The following PXDNL variants were observed in gnomAD, a reference collection of about 807,000 sequenced individuals.
The protein encoded by PXDNL is peroxidasin like, also known as probable oxidoreductase PXDNL.
A neutral mutation model predicts 150.8 loss-of-function variants in PXDNL; 145 were observed. The ratio of observed to expected loss-of-function variants is 0.96; its 90% CI spans 0.84 to 1.10. The LOEUF (loss-of-function observed/expected upper bound fraction) is 1.10, where lower values mean the gene tolerates loss of function less well. PXDNL is among the 50% of genes least tolerant of loss of function. The probability of loss-of-function intolerance (pLI) is 0.00; values close to 1 mark genes in which losing one functional copy is unlikely to be tolerated. For missense variants in PXDNL, 2,087 were observed against 1,873.9 expected (o/e 1.11, Z -2.10); for synonymous variants, 757 against 725.7 (o/e 1.04, Z -0.69).
rs774749299 is a variant in PXDNL at position 51,319,887 on chromosome 8, T to C, written c.*4A>G. 6.6e-7 allele frequency: 1 copy of C among 1,512,256 alleles called. No individual in the cohort carries two copies. The highest frequency in any genetic ancestry group is 8.8e-7 in the Non-Finnish European group (1 of 1,131,192). 93.7% of individuals were successfully genotyped at this position (1,512,256 alleles called of 1,614,324 possible). On this transcript the variant is annotated 3_prime_UTR_variant, in exon 23 of 23. Transcript: ENST00000356297. ...ATTTGGGGCTCAACAGCACAAAACT[T>C]TTATTAGCGCTTCTCTGGGGAATCA...
chr8:51,450,866 ATAG>A lies in PXDNL; in HGVS notation c.1250-1751_1250-1749del, dbSNP rs542782813. On this transcript the variant is annotated intron_variant, in intron 10 of 22. Transcript: ENST00000356297. ...CGGTCAGAACTAATAAGTAGAAAAGATAGTAGAGAATCTGGGCCGCTCAACCCC... is the reference window on the plus strand; with the variant it reads ...CGGTCAGAACTAATAAGTAGAAAAGATAGAGAATCTGGGCCGCTCAACCCC... 4.9e-3 allele frequency among the ~76,000 whole-genome samples: 745 copies of A among 152,288 alleles called. 7 individuals carry two copies. Among genetic ancestry groups the A allele is most frequent in the African/African-American group, 0.017 (709 of 41,556 alleles).
chr8:51,332,602 G>A (rs1375619543), intron 21 of PXDNL, among the ~76,000 whole-genome samples: 2 of 151,526 alleles, frequency 1.3e-5, no homozygotes, highest in Non-Finnish European at 2.9e-5. Context: ...AGAAGTGAAA[G>A]GAGAAATATT....
intron 17 of PXDNL, among the ~76,000 whole-genome samples, chr8:51,401,590 T>C (rs1402432919): frequency 6.6e-6 from 1 of 152,128 alleles, no homozygotes; most frequent in Non-Finnish European, 1.5e-5. Context: ...GGGGCTGCTT[T>C]TTGGCCAAGA....
rs569302186 is a variant in PXDNL at position 51,385,194 on chromosome 8, C to A, written c.3558-10463G>T. Reference sequence around the variant, plus strand: ...TTCTCCACTGGTTACATACAGTAACCCTTTGAAATCCTGGGCCTGAGACAT... The same window carrying A: ...TTCTCCACTGGTTACATACAGTAACACTTTGAAATCCTGGGCCTGAGACAT... On this transcript the variant is annotated intron_variant, in intron 17 of 22. Transcript: ENST00000356297. Among the ~76,000 whole-genome samples, 5 of 152,080 alleles carry A rather than the reference C, an allele frequency of 3.3e-5. No homozygotes were observed. The East Asian group carries it at 9.6e-4, about 29-fold the overall frequency.
chr8:51,499,323 G>A (rs1480839159), intron 5 of PXDNL, among the ~76,000 whole-genome samples: 2 of 152,082 alleles, frequency 1.3e-5, no homozygotes, highest in Non-Finnish European at 2.9e-5. Context: ...CAGAGGCAGG[G>A]TTTCACTATC....
At chr8:51,672,372 G>A (rs1161786819) in intron 1 of PXDNL, among the ~76,000 whole-genome samples, 2 of 152,190 alleles carry the variant, frequency 1.3e-5, no homozygotes, top group East Asian at 3.8e-4. Context: ...CAAGGACCAG[G>A]TGGAAATGTT....
chr8:51,695,392 C>T (rs1198782145), intron 1 of PXDNL, among the ~76,000 whole-genome samples: 2 of 152,108 alleles, frequency 1.3e-5, no homozygotes, highest in Admixed American at 6.6e-5. Context: ...AGAATTGGCA[C>T]ATATTAGGTT....
chr8:51,679,445 A>T (rs1202726286), intron 1 of PXDNL, among the ~76,000 whole-genome samples: 2 of 152,214 alleles, frequency 1.3e-5, no homozygotes, highest in Non-Finnish European at 2.9e-5. Context: ...CCTTGAACAA[A>T]TTACTTAACA....
chr8:51,515,855 T>C (rs2130363779), intron 4 of PXDNL, among the ~76,000 whole-genome samples: 1 of 152,330 alleles, frequency 6.6e-6, no homozygotes, highest in South Asian at 2.1e-4. Context: ...ATCAGATTTC[T>C]ATTAGTTTTT....
intron 12 of PXDNL, chr8:51,435,797 T>C (rs903200876): frequency 7.2e-6 from 3 of 416,898 alleles, no homozygotes; most frequent in South Asian, 2.1e-5. Context: ...TTTCATCTTT[T>C]CTTCCAGAGG....
intron 1 of PXDNL, among the ~76,000 whole-genome samples, chr8:51,684,403 A>G (rs969703680): frequency 5.3e-5 from 8 of 152,178 alleles, no homozygotes; most frequent in African/African-American, 1.9e-4. Flanking sequence ...CATATCCTCA[A>G]CTTTCAAAAT....
At chr8:51,347,734 C>T (rs757182335) in intron 19 of PXDNL, among the ~76,000 whole-genome samples, 56 of 148,522 alleles carry the variant, frequency 3.8e-4, no homozygotes, top group African/African-American at 1.8e-4. Context: ...TGAGCCACCG[C>T]GCCCGACCTA....
chr8:51,483,140 T>C (rs764114480), intron 6 of PXDNL, among the ~76,000 whole-genome samples: 34 of 152,090 alleles, frequency 2.2e-4, no homozygotes, highest in Non-Finnish European at 4.3e-4. Flanking sequence ...AAAAAAGTGA[T>C]GGACATCAGC....
Position 51,371,904 on chromosome 8 carries a change from C to T in PXDNL, c.3870G>A (p.Val1290=), listed in dbSNP as rs1312564762. The T allele has an allele frequency of 6.2e-6, 10 of 1,613,840 alleles. No homozygotes were observed. The highest frequency in any genetic ancestry group is 1.7e-6 in the Non-Finnish European group (2 of 1,179,902). The change falls in exon 19 of 23, where the codon GTG becomes GTA. Residue 1290 remains valine, a synonymous_variant. Transcript: ENST00000356297. The stretch of plus-strand genomic sequence containing the variant: ...AGCAGTCTTGCCACACTCGCAGGTC[C>T]ACCTTCGGGATCTCGCTGCAGTTCA... ...DYLNCSEIPK[V]DLRVWQDCCA...
chr8:51,471,887 C>A (rs1299279839), intron 8 of PXDNL, among the ~76,000 whole-genome samples: 1 of 151,936 alleles, frequency 6.6e-6, no homozygotes, highest in Non-Finnish European at 1.5e-5. Context: ...GGGGTTTCAC[C>A]GTGTTAGCCA....
At chr8:51,397,618 C>T (rs960820648) in intron 17 of PXDNL, among the ~76,000 whole-genome samples, 1 of 152,018 alleles carries the variant, frequency 6.6e-6, no homozygotes, top group Non-Finnish European at 1.5e-5. Flanking sequence ...TTAATAAGTG[C>T]AAAGTCCTGC....
intron 1 of PXDNL, among the ~76,000 whole-genome samples, chr8:51,720,191 TAAAA>T (rs74313593): frequency 6.9e-6 from 1 of 144,034 alleles, no homozygotes; most frequent in Non-Finnish European, 1.5e-5. Flanking sequence ...TATTCCCTCC[TAAAA>T]AAAAAAAAAT....
At chr8:51,397,815 T>C (rs1808131270) in intron 17 of PXDNL, among the ~76,000 whole-genome samples, 1 of 152,102 alleles carries the variant, frequency 6.6e-6, no homozygotes, top group Non-Finnish European at 1.5e-5. Flanking sequence ...GCATGTTTGT[T>C]ACATATGTAT....
At chr8:51,717,823 A>G (rs537452876) in intron 1 of PXDNL, among the ~76,000 whole-genome samples, 1 of 152,164 alleles carries the variant, frequency 6.6e-6, no homozygotes, top group Non-Finnish European at 1.5e-5. Context: ...ACCCTGCAGG[A>G]TTCTGTTGGC....
Sources: allele counts gnomAD v4.1 joint callset (sites outside exome capture counted in the v4.1 genomes callset), GRCh38; gene constraint gnomAD v4.1.1; transcripts MANE v1.5; gene names NCBI Gene and HGNC (gene_info 2026-07-23, HGNC 2026-07-21).